CNTNAP2: variants seen among roughly 807,000 people sequenced by gnomAD.
CNTNAP2 encodes the protein contactin associated protein 2, also known as contactin-associated protein-like 2.
In CNTNAP2, 98 loss-of-function variants were observed where a neutral mutation model predicts 155.2. The ratio of observed to expected loss-of-function variants is 0.63; its 90% CI spans 0.54 to 0.75. CNTNAP2 has a LOEUF of 0.75. Among genes scored for constraint, CNTNAP2 ranks in the 30% least tolerant of loss-of-function variants. CNTNAP2 has a pLI of 0.00. For synonymous variants in CNTNAP2, 651 were observed against 631.2 expected (o/e 1.03, Z -0.47); for missense variants, 1,727 against 1,688.1 (o/e 1.02, Z -0.40).
At chr7:148,183,795 TTAA>T (rs1315824119) in intron 18 of CNTNAP2, among the ~76,000 whole-genome samples, 1 of 152,206 alleles carries the variant, frequency 6.6e-6, no homozygotes, top group Non-Finnish European at 1.5e-5. Flanking sequence ...TTATTTGCTT[TTAA>T]TATTACAAAA....
intron 8 of CNTNAP2, among the ~76,000 whole-genome samples, chr7:147,143,772 AT>A (rs777913422): frequency 9.9e-5 from 15 of 152,218 alleles, no homozygotes; most frequent in South Asian, 4.1e-4. Context: ...ATAATAAGAG[AT>A]TTTTTTTAAA....
chr7:147,705,991 TG>T (rs1418752153), intron 13 of CNTNAP2, among the ~76,000 whole-genome samples: 1 of 152,070 alleles, frequency 6.6e-6, no homozygotes. Context: ...ATTTTTTTTT[TG>T]TCTTTTCAGC....
chr7:148,114,060 A>G (rs1355844519), intron 15 of CNTNAP2, among the ~76,000 whole-genome samples: 1 of 152,196 alleles, frequency 6.6e-6, no homozygotes, highest in Non-Finnish European at 1.5e-5. Flanking sequence ...CCAGCTTGGC[A>G]TTCTCACCCA....
chr7:147,904,928 C>T (rs1799934037), intron 14 of CNTNAP2, among the ~76,000 whole-genome samples: 1 of 151,844 alleles, frequency 6.6e-6, no homozygotes, highest in Non-Finnish European at 1.5e-5. Flanking sequence ...CACACACACA[C>T]ACTGTATACA....
At chr7:146,303,956 T>C (rs993603333) in intron 1 of CNTNAP2, among the ~76,000 whole-genome samples, 2 of 152,126 alleles carry the variant, frequency 1.3e-5, no homozygotes, top group African/African-American at 4.8e-5. Context: ...TGCTCCTATA[T>C]TGGGTGCATA....
At chr7:148,359,776 C>T (rs781148304) in intron 21 of CNTNAP2, among the ~76,000 whole-genome samples, 18 of 152,142 alleles carry the variant, frequency 1.2e-4, no homozygotes, top group Non-Finnish European at 1.8e-4. Context: ...TCACTAGCTG[C>T]GGAGAAAATA....
rs111551821 is a variant in CNTNAP2, at chr7:146,538,763, A to G, written c.98-235508A>G. On this transcript the variant is annotated intron_variant, in intron 1 of 23. Transcript: ENST00000361727. ...TGTCCACCGAGATGGGAAAGACAAC[A>G]GGTAGAATAAGTTTAAAAGCAGACA... Among the ~76,000 whole-genome samples the G allele has an allele frequency of 4.9e-3, 740 of 152,148 alleles. 7 individuals are homozygous for G. Among genetic ancestry groups the G allele is most frequent in the Admixed American group, 7.5e-3 (115 of 15,262 alleles).
rs1800809272 is a variant in CNTNAP2, at chr7:147,108,355, G to A, written c.754+5G>A. On this transcript the variant is annotated splice_donor_5th_base_variant and intron_variant, in intron 5 of 23. Transcript: ENST00000361727. ...TGGTCCTCAGTTTAAACTTAGGTGT[G>A]TTCTGACTGTCAGTTCTATTCTTTC... The A allele has an allele frequency of 1.2e-6, 2 of 1,610,682 alleles. No homozygotes were observed. The highest frequency in any genetic ancestry group is 1.7e-6 in the Non-Finnish European group (2 of 1,177,716).
intron 21 of CNTNAP2, chr7:148,339,767 A>G (rs1437708036): frequency 6.6e-6 from 1 of 152,256 alleles, no homozygotes; most frequent in African/African-American, 2.4e-5. Context: ...GGGCACTGTA[A>G]CTGGATTTTA....
intron 1 of CNTNAP2, among the ~76,000 whole-genome samples, chr7:146,326,904 T>C (rs1456632800): frequency 6.6e-6 from 1 of 152,230 alleles, no homozygotes; most frequent in Non-Finnish European, 1.5e-5. Context: ...TATATTTTTA[T>C]GTCAATTATG....
chr7:147,398,926 A>G, intron 10 of CNTNAP2, among the ~76,000 whole-genome samples: 1 of 151,940 alleles, frequency 6.6e-6, no homozygotes, highest in Non-Finnish European at 1.5e-5. Flanking sequence ...TACTAGAACA[A>G]AACAAGGAAG....
chr7:146,783,638 T>C (rs1022602653), intron 2 of CNTNAP2, among the ~76,000 whole-genome samples: 1 of 152,228 alleles, frequency 6.6e-6, no homozygotes, highest in Non-Finnish European at 1.5e-5. Flanking sequence ...TTACACTCAA[T>C]TTTAAAATGT....
rs568436858 is a variant in CNTNAP2, at chr7:147,707,855, A to G, written c.2098+68549A>G. Among the ~76,000 whole-genome samples, 14 of 152,222 alleles carry G rather than the reference A, an allele frequency of 9.2e-5. No homozygotes were observed. In the South Asian group the frequency reaches 1.5e-3, roughly 16 times the overall value. On this transcript the variant is annotated intron_variant, in intron 13 of 23. Transcript: ENST00000361727. ...CGTGGGTACCCAGTATGGTGATTGC[A>G]TTGTTGTGGGCATTGGCTAGAATGA...
intron 3 of CNTNAP2, among the ~76,000 whole-genome samples, chr7:147,043,107 G>A (rs1445877812): frequency 6.6e-6 from 1 of 151,692 alleles, no homozygotes; most frequent in Non-Finnish European, 1.5e-5. Flanking sequence ...TTCATTAGAT[G>A]GTAATTTTTT....
chr7:148,383,948 G>A, intron 22 of CNTNAP2, 60 bp downstream of exon 22: 1 of 1,564,882 alleles, frequency 6.4e-7, no homozygotes, highest in Non-Finnish European at 8.7e-7. Flanking sequence ...AGTCTCTTGG[G>A]ACTATGGAAT....
intron 14 of CNTNAP2, among the ~76,000 whole-genome samples, chr7:147,909,556 T>C (rs1273767944): frequency 2.0e-5 from 3 of 152,136 alleles, no homozygotes; most frequent in South Asian, 2.1e-4. Flanking sequence ...GCGCAGTTAT[T>C]TCTGAGATTG....
intron 12 of CNTNAP2, among the ~76,000 whole-genome samples, chr7:147,579,735 G>T (rs547600364): frequency 6.6e-6 from 1 of 152,142 alleles, no homozygotes; most frequent in Admixed American, 6.5e-5. Context: ...GAAAGGTTGT[G>T]TTTAGTTCAC....
chr7:146,721,363 C>CATTCTATATAT (rs1554472388), intron 1 of CNTNAP2, among the ~76,000 whole-genome samples: 29 of 117,498 alleles, frequency 2.5e-4, no homozygotes, highest in South Asian at 1.0e-3. Flanking sequence ...ATTCTATATA[C>CATTCTATATAT]ATTCTATATA....
chr7:146,714,340 T>C (rs1202884960), intron 1 of CNTNAP2, among the ~76,000 whole-genome samples: 2 of 152,228 alleles, frequency 1.3e-5, no homozygotes, highest in African/African-American at 2.4e-5. Context: ...AGCTTAGACA[T>C]AACTATTTGC....
Sources: allele counts gnomAD v4.1 joint callset (sites outside exome capture counted in the v4.1 genomes callset), GRCh38; gene constraint gnomAD v4.1.1; transcripts MANE v1.5; gene names NCBI Gene and HGNC (gene_info 2026-07-23, HGNC 2026-07-21).